Variants in SHISA9 observed in about 807,000 individuals in gnomAD.
The protein encoded by SHISA9 is shisa family member 9, also known as protein shisa-9.
SHISA9 carries 13 observed loss-of-function variants against 38.0 expected under a neutral mutation model. The observed-to-expected ratio is 0.34, with a 90% CI of 0.22 to 0.54. SHISA9 has a LOEUF of 0.54. Ranked by LOEUF, SHISA9 falls within the 20% of genes least tolerant of loss-of-function variation. The probability of loss-of-function intolerance (pLI) is 0.91; values close to 1 mark genes in which losing one functional copy is unlikely to be tolerated. For missense variants in SHISA9, 538 were observed against 575.8 expected (o/e 0.93, Z 0.67); for synonymous variants, 275 against 242.0 (o/e 1.14, Z -1.27).
At chr16:13,133,689 C>G (rs2050324262) in intron 2 of SHISA9, among the ~76,000 whole-genome samples, 1 of 152,202 alleles carries the variant, frequency 6.6e-6, no homozygotes, top group Non-Finnish European at 1.5e-5. Context: ...AGCAACGTGT[C>G]AAACCAGGCT....
the SHISA9 span, among the ~76,000 whole-genome samples, chr16:13,318,641 G>A: frequency 6.6e-6 from 1 of 152,114 alleles, no homozygotes; most frequent in African/African-American, 2.4e-5. Context: ...TTCTAAATGT[G>A]CCTTGGGGTG....
chr16:13,428,436 C>CA, the SHISA9 span, among the ~76,000 whole-genome samples: 1 of 151,988 alleles, frequency 6.6e-6, no homozygotes, highest in Non-Finnish European at 1.5e-5. Context: ...ACCAAGAGCT[C>CA]AAAAAAATTG....
At chr16:13,394,052 C>T in the SHISA9 span, among the ~76,000 whole-genome samples, 38 of 152,178 alleles carry the variant, frequency 2.5e-4, no homozygotes, top group Admixed American at 2.0e-3. Flanking sequence ...CTTGCCTTGG[C>T]GGATGGAACT....
At chr16:13,151,397 A>G (rs186015504) in intron 2 of SHISA9, among the ~76,000 whole-genome samples, 178 of 152,242 alleles carry the variant, frequency 1.2e-3, no homozygotes, top group African/African-American at 4.0e-3. Flanking sequence ...ATGAGCCACC[A>G]CACCCAGTCA....
the SHISA9 span, among the ~76,000 whole-genome samples, chr16:13,384,638 C>A: frequency 6.6e-6 from 1 of 152,108 alleles, no homozygotes; most frequent in Non-Finnish European, 1.5e-5. Context: ...GCTTTAAGGA[C>A]AAGAAGTCCA....
At chr16:13,045,388 G>C (rs1190001387) in intron 2 of SHISA9, among the ~76,000 whole-genome samples, 1 of 152,154 alleles carries the variant, frequency 6.6e-6, no homozygotes, top group Admixed American at 6.5e-5. Flanking sequence ...TCTGTCTCCA[G>C]AGCTCACACC....
chr16:12,909,198 T>G (rs1596523041), intron 1 of SHISA9: 1 of 985,818 alleles, frequency 1.0e-6, no homozygotes, highest in African/African-American at 1.7e-5. Flanking sequence ...CACTGAGTCC[T>G]TGCATTTTAA....
At position 13,235,110 on chromosome 16, in the gene SHISA9, C is replaced by T. The variant is rs2051368962; in HGVS notation, c.976C>T (p.Pro326Ser). 6.4e-7 allele frequency: 1 copy of T among 1,551,526 alleles called. No individual in the cohort carries two copies. Among genetic ancestry groups the T allele is most frequent in the Non-Finnish European group, 8.7e-7 (1 of 1,146,986 alleles). The change falls in exon 5 of 5, where the codon CCC (proline) becomes TCC (serine). Residue 326 changes from proline to serine, a missense_variant. Pro to Ser is a moderately conservative substitution (Grantham distance 74, BLOSUM62 -1). Around this residue, in one of 4 missense-constraint regions of SHISA9, gnomAD observed 326 missense variants for 305.9 expected, o/e 1.07. Transcript: ENST00000558583. ...TGCCAAGGGGAACTTACCTCTGCACCCCGTAAGAGTGGAGGACGAGCCCCG... is the reference window on the plus strand; with the variant it reads ...TGCCAAGGGGAACTTACCTCTGCACTCCGTAAGAGTGGAGGACGAGCCCCG... ...LAAKGNLPLH[P>S]VRVEDEPRAF... is the part of the protein sequence containing the mutation.
chr16:13,097,331 G>A (rs577512034), intron 2 of SHISA9, among the ~76,000 whole-genome samples: 7 of 152,168 alleles, frequency 4.6e-5, no homozygotes, highest in African/African-American at 1.4e-4. Context: ...AGTGCTCTCA[G>A]GTCATCTACC....
At chr16:12,964,575 C>T (rs1026031285) in intron 2 of SHISA9, among the ~76,000 whole-genome samples, 1 of 152,236 alleles carries the variant, frequency 6.6e-6, no homozygotes, top group Non-Finnish European at 1.5e-5. Flanking sequence ...TGTGTTTATA[C>T]TACAGCCCTG....
At chr16:13,437,644 C>G in the SHISA9 span, among the ~76,000 whole-genome samples, 1 of 152,098 alleles carries the variant, frequency 6.6e-6, no homozygotes, top group African/African-American at 2.4e-5. Flanking sequence ...TGATAGCTTG[C>G]AATTCCCTCT....
intron 2 of SHISA9, among the ~76,000 whole-genome samples, chr16:13,175,300 G>T (rs1368266567): frequency 3.3e-5 from 5 of 152,124 alleles, no homozygotes; most frequent in Non-Finnish European, 7.4e-5. Context: ...GAGGTGGGAG[G>T]ATCGCTCAAG....
At chr16:13,362,259 CAAAA>C in the SHISA9 span, among the ~76,000 whole-genome samples, 1 of 138,644 alleles carries the variant, frequency 7.2e-6, no homozygotes, top group African/African-American at 2.7e-5. Context: ...ACAGCAACAA[CAAAA>C]AAAACCCCAC....
At chr16:13,364,906 G>T in the SHISA9 span, among the ~76,000 whole-genome samples, 2 of 152,160 alleles carry the variant, frequency 1.3e-5, no homozygotes, top group Non-Finnish European at 2.9e-5. Flanking sequence ...AACAATTAGG[G>T]ATGAGGAAAA....
chr16:13,469,252 G>A, the SHISA9 span, among the ~76,000 whole-genome samples: 1 of 146,088 alleles, frequency 6.8e-6, no homozygotes, highest in Non-Finnish European at 1.5e-5. Context: ...GAAAAAAAAA[G>A]AGAAGAAAGT....
the SHISA9 span, among the ~76,000 whole-genome samples, chr16:13,321,600 G>A: frequency 6.6e-6 from 1 of 152,192 alleles, no homozygotes; most frequent in African/African-American, 2.4e-5. Flanking sequence ...CACACTGATT[G>A]TAAAGGCTGA....
intron 2 of SHISA9, among the ~76,000 whole-genome samples, chr16:13,051,088 G>GCA (rs1264562029): frequency 6.6e-6 from 1 of 152,152 alleles, no homozygotes; most frequent in African/African-American, 2.4e-5. Context: ...GCATCCTACT[G>GCA]AGTACGTACT....
the SHISA9 span, among the ~76,000 whole-genome samples, chr16:13,412,102 T>C: frequency 0.022 from 3,397 of 151,796 alleles, 126 homozygotes; most frequent in African/African-American, 0.077. Flanking sequence ...TATTCTCGAA[T>C]GTAAGTACAG....
Position 12,901,651 on chromosome 16 carries a change from G to C in SHISA9, c.-414G>C, listed in dbSNP as rs2071014899. ...AGCGCACTTGGCGAGCTGGTGAGGT[G>C]AGAGGGATACTGCGAGAGGGCTAGG... is the stretch of plus-strand genomic sequence containing the variant. On this transcript the variant is annotated 5_prime_UTR_variant, in exon 1 of 5. Transcript: ENST00000558583. The C allele has an allele frequency of 6.6e-6, 1 of 150,630 alleles. No individual in the cohort carries two copies. The highest frequency in any genetic ancestry group is 1.5e-5 in the Non-Finnish European group (1 of 67,638). 9.3% of individuals were successfully genotyped at this position (150,630 alleles called of 1,614,324 possible). A position where few individuals can be genotyped will look rare whatever the true frequency, so the allele number is the denominator to read the frequency against.
Sources: allele counts gnomAD v4.1 joint callset (sites outside exome capture counted in the v4.1 genomes callset), GRCh38; gene constraint gnomAD v4.1.1; regional missense constraint gnomAD v4.1.1; transcripts MANE v1.5; gene names NCBI Gene and HGNC (gene_info 2026-07-23, HGNC 2026-07-21).